DIP2C: variants seen among roughly 807,000 people sequenced by gnomAD.
The protein encoded by DIP2C is disco-interacting protein 2 homolog C.
DIP2C carries 33 observed loss-of-function variants against 192.4 expected under a neutral mutation model. The observed-to-expected ratio is 0.17, with a 90% CI of 0.13 to 0.23. The LOEUF (loss-of-function observed/expected upper bound fraction) is 0.23, where lower values mean the gene tolerates loss of function less well. Ranked by LOEUF, DIP2C falls within the 10% of genes least tolerant of loss-of-function variation. The pLI, the probability that DIP2C is intolerant of heterozygous loss-of-function variation, is 1.00. For missense variants in DIP2C, 1,537 were observed against 2,110.1 expected, an observed-to-expected ratio of 0.73 and a Z score of 5.32; for synonymous variants, 979 against 864.1, an observed-to-expected ratio of 1.13 and a Z score of -2.33.
intron 1 of DIP2C, among the ~76,000 whole-genome samples, chr10:646,177 C>T (rs1264451185): frequency 6.6e-6 from 1 of 152,192 alleles, no homozygotes; most frequent in East Asian, 1.9e-4. Flanking sequence ...CACCCAGCCC[C>T]AGCAGGAATG....
intron 1 of DIP2C, among the ~76,000 whole-genome samples, chr10:622,746 A>C (rs1853951165): frequency 6.6e-6 from 1 of 152,176 alleles, no homozygotes; most frequent in Admixed American, 6.5e-5. Flanking sequence ...TCACGTTCTA[A>C]ATGTAACTTG....
intron 1 of DIP2C, among the ~76,000 whole-genome samples, chr10:649,523 G>A (rs1004195796): frequency 1.3e-5 from 2 of 152,226 alleles, no homozygotes; most frequent in Non-Finnish European, 2.9e-5. Flanking sequence ...CTAAGTGACT[G>A]TAAAATAATA....
rs757666221 is a variant in DIP2C at position 423,039 on chromosome 10, TAAG to T, written c.395-9_395-7del. 1,392 of 1,596,538 alleles carry T rather than the reference TAAG, an allele frequency of 8.7e-4. 1 individual carries two copies. Among genetic ancestry groups the T allele is most frequent in the Non-Finnish European group, 1.1e-3 (1,242 of 1,169,442 alleles). The stretch of plus-strand genomic sequence containing the variant: ...TTCTGAGCCAGAAGAGGTATCTGTG[TAAG>T]AAGAAAGGTGATTTGCTGTATGTTG... On this transcript the variant is annotated splice_polypyrimidine_tract_variant and splice_region_variant and intron_variant, in intron 4 of 36. Coordinates refer to ENST00000280886, the MANE Select transcript of DIP2C (RefSeq NM_014974.3).
chr10:306,926 G>A (rs1200710287), intron 32 of DIP2C, among the ~76,000 whole-genome samples: 1 of 152,212 alleles, frequency 6.6e-6, no homozygotes, highest in Non-Finnish European at 1.5e-5. Context: ...TGGAGGTGGG[G>A]CCTAATGGAG....
At chr10:678,455 A>G (rs1170279518) in intron 1 of DIP2C, among the ~76,000 whole-genome samples, 1 of 151,116 alleles carries the variant, frequency 6.6e-6, no homozygotes, top group Non-Finnish European at 1.5e-5. Flanking sequence ...AGAGCAGAGG[A>G]AGCACACACG....
At chr10:670,266 A>G (rs1158447077) in intron 1 of DIP2C, among the ~76,000 whole-genome samples, 2 of 142,384 alleles carry the variant, frequency 1.4e-5, no homozygotes, top group Admixed American at 6.8e-5. Flanking sequence ...ATGCACATAC[A>G]CGCATGCATA....
chr10:390,769 C>T lies in DIP2C; in HGVS notation c.1355G>A (p.Ser452Asn). The T allele has an allele frequency of 4.3e-6, 7 of 1,614,112 alleles. No individual in the cohort carries two copies. Among genetic ancestry groups the T allele is most frequent in the Non-Finnish European group, 5.9e-6 (7 of 1,179,990 alleles). Residue 452 changes from serine (S) to asparagine (N), a missense_variant, in exon 11 of 37, where the codon AGC (serine) becomes AAC (asparagine). Physicochemically the swap from Ser to Asn is conservative, Grantham distance 46 (BLOSUM62 1). Around this residue, in one of 4 missense-constraint regions of DIP2C, gnomAD observed 677 missense variants for 989.9 expected, o/e 0.68. Transcript: ENST00000280886. ...SDACHKGLPK[S>N]PTGEIPQFKG... ...AAACTGTGGGATCTCTCCCGTTGGG[C>T]TTTTTGGAAGTCCTTTATGGCAGGC...
intron 32 of DIP2C, among the ~76,000 whole-genome samples, chr10:298,010 T>C (rs1413810621): frequency 6.6e-6 from 1 of 152,184 alleles, no homozygotes; most frequent in Non-Finnish European, 1.5e-5. Context: ...TGCCCTACAA[T>C]ATGCCCCAGT....
At chr10:342,681 A>G (rs2132570487) in intron 28 of DIP2C, among the ~76,000 whole-genome samples, 1 of 152,278 alleles carries the variant, frequency 6.6e-6, no homozygotes, top group Non-Finnish European at 1.5e-5. Context: ...CTGTGACATA[A>G]GTTAGAGCTA....
chr10:568,094 G>A (rs1239151474), intron 1 of DIP2C, among the ~76,000 whole-genome samples: 2 of 152,196 alleles, frequency 1.3e-5, no homozygotes, highest in Non-Finnish European at 2.9e-5. Flanking sequence ...AGCTGTCACA[G>A]CCCTGGAGCT....
intron 29 of DIP2C, among the ~76,000 whole-genome samples, chr10:330,580 A>C (rs1957459891): frequency 6.6e-6 from 1 of 151,382 alleles, no homozygotes; most frequent in South Asian, 2.1e-4. Flanking sequence ...GTCACCTCAA[A>C]CTCCTGGGCT....
chr10:504,984 T>C (rs1476898782), intron 1 of DIP2C, among the ~76,000 whole-genome samples: 2 of 152,134 alleles, frequency 1.3e-5, no homozygotes, highest in Admixed American at 6.5e-5. Context: ...GTTCATTCAT[T>C]CATTCATTCA....
intron 31 of DIP2C, among the ~76,000 whole-genome samples, chr10:311,359 G>A (rs374578897): frequency 1.3e-5 from 2 of 152,224 alleles, no homozygotes; most frequent in Non-Finnish European, 2.9e-5. Context: ...AGACAGCGTC[G>A]GCTACGCGTG....
chr10:443,807 T>C (rs966256238), intron 3 of DIP2C, among the ~76,000 whole-genome samples: 4 of 152,210 alleles, frequency 2.6e-5, no homozygotes, highest in Admixed American at 6.5e-5. Flanking sequence ...GCTTTCAGAA[T>C]TGCTATCTAG....
intron 1 of DIP2C, among the ~76,000 whole-genome samples, chr10:496,939 G>A (rs1309859264): frequency 2.6e-5 from 4 of 152,130 alleles, no homozygotes; most frequent in African/African-American, 7.2e-5. Context: ...CCTGGCTAAC[G>A]CGGTGAAACT....
At chr10:679,566 A>C (rs1256015792) in intron 1 of DIP2C, among the ~76,000 whole-genome samples, 10 of 29,056 alleles carry the variant, frequency 3.4e-4, no homozygotes, top group African/African-American at 5.3e-4. Flanking sequence ...CCCCGCACCC[A>C]TCCTCCCCCC....
intron 1 of DIP2C, among the ~76,000 whole-genome samples, chr10:512,688 C>T (rs1212756053): frequency 1.3e-5 from 2 of 152,094 alleles, no homozygotes; most frequent in Admixed American, 1.3e-4. Context: ...TCGGGGTGGG[C>T]AGATCACCTG....
chr10:681,961 G>A lies in DIP2C; in HGVS notation c.85+7533C>T, dbSNP rs1274627137. Among the ~76,000 whole-genome samples, 7 of 152,270 alleles carry A rather than the reference G, an allele frequency of 4.6e-5. No individual in the cohort carries two copies. In the East Asian group the frequency reaches 1.2e-3, roughly 25 times the overall value. On this transcript the variant is annotated intron_variant, in intron 1 of 36. Coordinates refer to ENST00000280886, the MANE Select transcript of DIP2C (RefSeq NM_014974.3). ...GCTGCAACAGGGACCCAGAGACCAA[G>A]CCTCTGCTCAGGCAACAGTGAGCTG... is the stretch of plus-strand genomic sequence containing the variant.
intron 1 of DIP2C, among the ~76,000 whole-genome samples, chr10:542,135 C>A (rs934458048): frequency 3.9e-5 from 6 of 152,198 alleles, no homozygotes; most frequent in African/African-American, 9.7e-5. Flanking sequence ...AGGCCACATC[C>A]CACTTGCCTG....
Sources: allele counts gnomAD v4.1 joint callset (sites outside exome capture counted in the v4.1 genomes callset), GRCh38; gene constraint gnomAD v4.1.1; regional missense constraint gnomAD v4.1.1; transcripts MANE v1.5; gene names NCBI Gene and HGNC (gene_info 2026-07-23, HGNC 2026-07-21).